The following USP34 variants were observed in gnomAD, a reference collection of about 807,000 sequenced individuals.
USP34 encodes the protein ubiquitin carboxyl-terminal hydrolase 34.
Under a neutral mutation model 460.3 loss-of-function variants are expected in USP34, and 70 were observed. The ratio of observed to expected loss-of-function variants is 0.15; its 90% confidence interval spans 0.13 to 0.19. The LOEUF (loss-of-function observed/expected upper bound fraction) is 0.19. Among genes scored for constraint, USP34 ranks in the 10% least tolerant of loss-of-function variants. The probability of loss-of-function intolerance (pLI) is 1.00; values close to 1 mark genes in which losing one functional copy is unlikely to be tolerated. For missense variants in USP34, 3,985 were observed against 4,236.2 expected (o/e 0.94, Z 1.65); for synonymous variants, 1,647 against 1,405.3 (o/e 1.17, Z -3.85).
intron 1 of USP34, among the ~76,000 whole-genome samples, chr2:61,423,941 G>GC (rs1694436425): frequency 6.6e-6 from 1 of 152,232 alleles, no homozygotes; most frequent in Admixed American, 6.5e-5. Flanking sequence ...GAGTAACAGG[G>GC]CAAGATCCTG....
chr2:61,359,779 GTTTTTTTT>G (rs35258583), intron 10 of USP34, among the ~76,000 whole-genome samples: 1 of 86,854 alleles, frequency 1.2e-5, no homozygotes. Context: ...GCCCACAGTT[GTTTTTTTT>G]TTTTTTTTTT....
chr2:61,381,993 T>C (rs1692988960), intron 6 of USP34, among the ~76,000 whole-genome samples: 1 of 152,174 alleles, frequency 6.6e-6, no homozygotes, highest in African/African-American at 2.4e-5. Flanking sequence ...AATGCTACCC[T>C]TTTCTTTATA....
chr2:61,247,746 T>C (rs1688455024), intron 49 of USP34, among the ~76,000 whole-genome samples: 1 of 152,192 alleles, frequency 6.6e-6, no homozygotes, highest in Non-Finnish European at 1.5e-5. Flanking sequence ...ATACATACAA[T>C]GCCCACTTCT....
intron 1 of USP34, among the ~76,000 whole-genome samples, chr2:61,434,861 T>A (rs1694770090): frequency 6.6e-6 from 1 of 151,772 alleles, no homozygotes; most frequent in South Asian, 2.1e-4. Flanking sequence ...AGTATAATTC[T>A]CCTGTAATAG....
In USP34 at chr2:61,420,813, C is replaced by A; in HGVS notation, c.64G>T (p.Asp22Tyr). 1 of 1,610,522 alleles carries A rather than the reference C, an allele frequency of 6.2e-7. No individual in the cohort carries two copies. The highest frequency in any genetic ancestry group is 1.1e-5 in the South Asian group (1 of 90,346). ...TGTTCCTTTCTGAGCTGCAGTCCAT[C>A]ACCACCTTCTACATCTGATACTGAA... ...LNEISDVEGG[D>Y]GLQLRKEHTL... The change falls in exon 2 of 80, where the codon GAT (aspartate) becomes TAT (tyrosine). Residue 22 changes from aspartate (D) to tyrosine (Y), a missense_variant. Asp to Tyr is a radical substitution (Grantham distance 160). Transcript: ENST00000398571.
intron 2 of USP34, among the ~76,000 whole-genome samples, chr2:61,413,805 C>A (rs1202796617): frequency 6.9e-6 from 1 of 145,288 alleles, no homozygotes; most frequent in Non-Finnish European, 1.5e-5. Flanking sequence ...TGGGGAAACC[C>A]CGTCTCTACT....
chr2:61,417,794 T>C (rs1160379222), intron 2 of USP34, among the ~76,000 whole-genome samples: 1 of 140,952 alleles, frequency 7.1e-6, no homozygotes, highest in African/African-American at 2.6e-5. Flanking sequence ...CAGGCTGGAG[T>C]ACAGTGGCGT....
At chr2:61,347,756 G>A in intron 15 of USP34, 114 bp downstream of exon 15, 3 of 1,469,732 alleles carry the variant, frequency 2.0e-6, no homozygotes, top group Non-Finnish European at 2.7e-6. Context: ...TTTATAGTTT[G>A]CACTATACTA....
At chr2:61,305,699 C>G (rs1406396010) in intron 27 of USP34, among the ~76,000 whole-genome samples, 2 of 151,860 alleles carry the variant, frequency 1.3e-5, no homozygotes, top group African/African-American at 4.8e-5. Context: ...TAAACTAAAC[C>G]CAGATCTCAA....
Position 61,349,251 on chromosome 2 carries a change from A to T in USP34, c.1542T>A (p.Pro514=), listed in dbSNP as rs984167245. The change falls in exon 13 of 80, where the codon CCT becomes CCA. Residue 514 remains proline, a splice_region_variant and synonymous_variant. Transcript: ENST00000398571. ...ATGAATTTCTAAGGCTCAACTTACA[A>T]GGTGATGGAGCTGTTCTTCTAAGCT... ...EEELRRTAPS[P]WSPAASPQSS... The T allele has an allele frequency of 7.4e-6, 12 of 1,612,588 alleles. No homozygotes were observed. The African/African-American group carries it at 1.6e-4, about 22-fold the overall frequency.
At chr2:61,449,191 C>G (rs544754098) in intron 1 of USP34, among the ~76,000 whole-genome samples, 2 of 150,584 alleles carry the variant, frequency 1.3e-5, no homozygotes, top group Admixed American at 1.3e-4. Flanking sequence ...GAGGAGCGCT[C>G]GAACCTGGAA....
intron 75 of USP34, among the ~76,000 whole-genome samples, chr2:61,196,532 ATTT>A (rs76749154): frequency 1.4e-5 from 2 of 145,598 alleles, no homozygotes; most frequent in Non-Finnish European, 3.0e-5. Context: ...GCCCTAAACA[ATTT>A]TTTTTTTTTC....
intron 1 of USP34, among the ~76,000 whole-genome samples, chr2:61,422,428 C>T (rs1328765620): frequency 6.6e-6 from 1 of 152,198 alleles, no homozygotes; most frequent in East Asian, 1.9e-4. Context: ...CCAACAAAAA[C>T]TTTCCAACTC....
chr2:61,404,113 G>A (rs1178287338), intron 3 of USP34, among the ~76,000 whole-genome samples: 1 of 147,284 alleles, frequency 6.8e-6, no homozygotes, highest in Admixed American at 6.9e-5. Context: ...TTCTTACGAA[G>A]AATTCTAACA....
intron 57 of USP34, among the ~76,000 whole-genome samples, chr2:61,233,761 G>A (rs775915426): frequency 4.6e-5 from 7 of 151,748 alleles, no homozygotes; most frequent in Non-Finnish European, 8.8e-5. Context: ...CTCAAGCCCA[G>A]GATTTTGAGG....
Position 61,407,404 on chromosome 2 carries a change from T to C in USP34, c.132-1276A>G, listed in dbSNP as rs560759022. Among the ~76,000 whole-genome samples the C allele has an allele frequency of 1.5e-4, 23 of 152,268 alleles. 1 individual carries two copies. In the South Asian group the frequency reaches 3.5e-3, roughly 23 times the overall value. On this transcript the variant is annotated intron_variant, in intron 2 of 79. Transcript: ENST00000398571. Reference sequence around the variant, plus strand: ...GTCTGGTGAATCAATAGGCAATTAATACATACGCAAGTACCTGGTTCTAAT... The same window carrying C: ...GTCTGGTGAATCAATAGGCAATTAACACATACGCAAGTACCTGGTTCTAAT...
intron 41 of USP34, among the ~76,000 whole-genome samples, chr2:61,275,812 G>T (rs895999665): frequency 6.6e-6 from 1 of 152,128 alleles, no homozygotes; most frequent in Non-Finnish European, 1.5e-5. Context: ...CTATGCCTCA[G>T]TTTCATCATC....
chr2:61,469,678 A>T (rs1041716054), intron 1 of USP34, among the ~76,000 whole-genome samples: 15 of 152,022 alleles, frequency 9.9e-5, no homozygotes, highest in South Asian at 2.1e-4. Context: ...GAAATATCAC[A>T]AACAGAATAC....
At chr2:61,326,947 C>T (rs1572937863) in intron 20 of USP34, among the ~76,000 whole-genome samples, 1 of 151,966 alleles carries the variant, frequency 6.6e-6, no homozygotes. Context: ...CCACACCCAG[C>T]TGATTTTTTT....
Sources: gnomAD v4.1 joint callset for allele counts (sites outside exome capture counted in the v4.1 genomes callset) on GRCh38, gnomAD v4.1.1 for gene constraint, MANE v1.5 for transcripts, NCBI Gene and HGNC (gene_info 2026-07-23, HGNC 2026-07-21) for gene names.